Variants in C3orf20 observed in about 807,000 individuals in gnomAD.
The protein encoded by C3orf20 is family with sequence similarity 149 member C.
C3orf20 carries 76 observed loss-of-function variants against 88.3 expected under a neutral mutation model. The ratio of observed to expected loss-of-function variants is 0.86; its 90% confidence interval spans 0.72 to 1.04. The LOEUF is 1.04. Ranked by LOEUF, C3orf20 falls within the 50% of genes least tolerant of loss-of-function variation. The pLI is 0.00. For missense variants in C3orf20, 1,056 were observed against 1,123.3 expected (o/e 0.94, Z 0.86); for synonymous variants, 436 against 437.4 (o/e 1.00, Z 0.04).
intron 5 of C3orf20, among the ~76,000 whole-genome samples, chr3:14,700,989 A>G (rs886269957): frequency 6.6e-6 from 1 of 152,180 alleles, no homozygotes; most frequent in African/African-American, 2.4e-5. Flanking sequence ...AAGGTGTCCA[A>G]TGTTACAAGA....
At chr3:14,730,282 C>T (rs539269002) in intron 12 of C3orf20, among the ~76,000 whole-genome samples, 3 of 151,982 alleles carry the variant, frequency 2.0e-5, no homozygotes, top group East Asian at 3.9e-4. Flanking sequence ...GTGCGGTGGC[C>T]CACGCCTGTA....
At chr3:14,720,533 GGTTGTTGTTGTTGTT>G (rs199995038) in intron 9 of C3orf20, among the ~76,000 whole-genome samples, 22,909 of 149,182 alleles carry the variant, frequency 0.15, 2,009 homozygotes, top group Non-Finnish European at 0.2. Context: ...AGCAGAGAGT[GGTTGTTGTTGTTGTT>G]GTTGTTGTTG....
chr3:14,757,448 T>C lies in C3orf20; in HGVS notation c.2018T>C (p.Leu673Pro), dbSNP rs1253437984. The C allele has an allele frequency of 6.2e-7, 1 of 1,612,566 alleles. No homozygotes were observed. The highest frequency in any genetic ancestry group is 2.2e-5 in the East Asian group (1 of 44,876). Residue 673 changes from leucine to proline, a missense_variant, in exon 13 of 17, where the codon CTC becomes CCC. Leu to Pro is a moderately conservative substitution (Grantham distance 98). Coordinates refer to ENST00000253697, the MANE Select transcript of C3orf20 (RefSeq NM_032137.5). ...GACTGCCCGCTGGTGCTGCGGAAGC[T>C]CATGCTCAAGGAAGACACCCGTGCT... is the stretch of plus-strand genomic sequence containing the variant. ...PSDCPLVLRK[L>P]MLKEDTRAGC...
chr3:14,676,613 C>T (rs2031784975), intron 1 of C3orf20, among the ~76,000 whole-genome samples: 1 of 152,074 alleles, frequency 6.6e-6, no homozygotes, highest in Non-Finnish European at 1.5e-5. Context: ...AGATAACTTC[C>T]CTGACACTCC....
Position 14,690,031 on chromosome 3 carries a change from C to G in C3orf20, c.660C>G (p.Asn220Lys). 1.2e-6 allele frequency: 2 copies of G among 1,614,210 alleles called. No individual in the cohort carries two copies. Among genetic ancestry groups the G allele is most frequent in the African/African-American group, 1.3e-5 (1 of 75,046 alleles). Residue 220 changes from asparagine (N) to lysine (K), a missense_variant, in exon 5 of 17, where the codon AAC becomes AAG. Transcript: ENST00000253697. ...SLANMSAIGVNSPYQLIYHSS... is the reference protein window; with the variant it reads ...SLANMSAIGVKSPYQLIYHSS... ...CAAACATGTCCGCCATTGGGGTGAACTCGCCTTACCAGCTGATCTACCACT... is the reference window on the plus strand; with the variant it reads ...CAAACATGTCCGCCATTGGGGTGAAGTCGCCTTACCAGCTGATCTACCACT...
intron 12 of C3orf20, among the ~76,000 whole-genome samples, chr3:14,747,968 T>A (rs144337028): frequency 6.6e-6 from 1 of 152,214 alleles, no homozygotes; most frequent in East Asian, 1.9e-4. Context: ...TTTTTTGTAG[T>A]GTCTTTGTCT....
intron 9 of C3orf20, 74 bp from the exon 10 acceptor site, chr3:14,721,579 T>C: frequency 2.5e-6 from 4 of 1,572,602 alleles, no homozygotes; most frequent in Non-Finnish European, 3.5e-6. Flanking sequence ...GCTTTGTGCT[T>C]CGTGGTGGGT....
In C3orf20 at chr3:14,761,558, T is replaced by C; in HGVS notation, c.2438T>C (p.Phe813Ser). The change falls in exon 15 of 17, where the codon TTC becomes TCC. Residue 813 changes from phenylalanine to serine, a missense_variant. Physicochemically the swap from Phe to Ser is radical, Grantham distance 155. Transcript: ENST00000253697. ...LSKQNLLKQI[F>S]RSQQDYKMGY... ...AAGCAGAATCTGCTGAAACAGATCT[T>C]CCGGTCTCAACAGGATTACAAGATG... The C allele has an allele frequency of 6.2e-7, 1 of 1,614,028 alleles. No homozygotes were observed. Among genetic ancestry groups the C allele is most frequent in the South Asian group, 1.1e-5 (1 of 91,064 alleles).
chr3:14,743,641 C>A (rs1575146037), intron 12 of C3orf20, among the ~76,000 whole-genome samples: 1 of 152,068 alleles, frequency 6.6e-6, no homozygotes, highest in East Asian at 1.9e-4. Context: ...ATGAGGACCT[C>A]ACCCCTGCAG....
intron 12 of C3orf20, among the ~76,000 whole-genome samples, chr3:14,736,513 A>G (rs1052603989): frequency 1.3e-5 from 2 of 150,054 alleles, no homozygotes; most frequent in Non-Finnish European, 1.5e-5. Flanking sequence ...CTGGTCTTGA[A>G]CTCCTGACCT....
chr3:14,750,693 TC>T (rs1174285273), intron 12 of C3orf20, among the ~76,000 whole-genome samples: 1 of 152,218 alleles, frequency 6.6e-6, no homozygotes, highest in Non-Finnish European at 1.5e-5. Flanking sequence ...TATTGAGGAT[TC>T]CTTGAACTTG....
chr3:14,691,298 A>G (rs1312756247), intron 5 of C3orf20, among the ~76,000 whole-genome samples: 1 of 152,100 alleles, frequency 6.6e-6, no homozygotes, highest in Non-Finnish European at 1.5e-5. Flanking sequence ...CCAGCACCCC[A>G]TTGCATGTGC....
rs952901995 is a variant in C3orf20 at position 14,711,920 on chromosome 3, G to A, written c.1161-2087G>A. Among the ~76,000 whole-genome samples, 4 of 151,844 alleles carry A rather than the reference G, an allele frequency of 2.6e-5. No homozygotes were observed. The East Asian group carries it at 7.7e-4, about 29-fold the overall frequency. The stretch of plus-strand genomic sequence containing the variant: ...TTTTGTGTCTGACTTTTTGTAGCAT[G>A]CCATTTTGATTTACTTCTCATTTCC... On this transcript the variant is annotated intron_variant, in intron 7 of 16. Coordinates refer to ENST00000253697, the MANE Select transcript of C3orf20 (RefSeq NM_032137.5).
chr3:14,724,950 A>G (rs1328336177), intron 10 of C3orf20, among the ~76,000 whole-genome samples: 2 of 152,208 alleles, frequency 1.3e-5, no homozygotes, highest in Non-Finnish European at 2.9e-5. Context: ...GAAATGTAAC[A>G]TAGGGACAAA....
intron 12 of C3orf20, among the ~76,000 whole-genome samples, chr3:14,746,577 C>T (rs1328738995): frequency 3.3e-5 from 5 of 152,196 alleles, no homozygotes; most frequent in Non-Finnish European, 7.3e-5. Flanking sequence ...CATTGATCAA[C>T]TATCTTGAAG....
At chr3:14,720,320 G>A (rs1422652960) in intron 9 of C3orf20, among the ~76,000 whole-genome samples, 3 of 152,176 alleles carry the variant, frequency 2.0e-5, no homozygotes, top group South Asian at 2.1e-4. Flanking sequence ...GTGAGCCACC[G>A]TGCCCGGCAG....
At chr3:14,769,527 G>A (rs908239558) in intron 15 of C3orf20, among the ~76,000 whole-genome samples, 2 of 152,170 alleles carry the variant, frequency 1.3e-5, no homozygotes, top group Non-Finnish European at 2.9e-5. Flanking sequence ...AGAAGAGGCA[G>A]GAAGAGACTA....
At chr3:14,698,567 ACT>A (rs1022490095) in intron 5 of C3orf20, among the ~76,000 whole-genome samples, 19 of 152,004 alleles carry the variant, frequency 1.2e-4, no homozygotes, top group Admixed American at 1.2e-3. Flanking sequence ...ATCCAGGAGA[ACT>A]CTCTAGATTA....
At position 14,726,813 on chromosome 3, in the gene C3orf20, A is replaced by G. The variant is rs147482325; in HGVS notation, c.1567-88A>G. The G allele has an allele frequency of 9.2e-5, 145 of 1,580,082 alleles. No individual in the cohort carries two copies. The East Asian group carries it at 3.1e-3, about 34-fold the overall frequency. ...GGGGCAGGCAATAGCACATCCTCTG[A>G]ACCGGAGCAAGTCTTAGTTATCCTG... On this transcript the variant is annotated intron_variant, in intron 10 of 16. Transcript: ENST00000253697.
Sources: gnomAD v4.1 joint callset for allele counts (sites outside exome capture counted in the v4.1 genomes callset) on GRCh38, gnomAD v4.1.1 for gene constraint, MANE v1.5 for transcripts, NCBI Gene and HGNC (gene_info 2026-07-23, HGNC 2026-07-21) for gene names.